The following CLIP1 variants were observed in gnomAD, a reference collection of about 807,000 sequenced individuals.
The protein encoded by CLIP1 is CAP-Gly domain containing linker protein 1, also known as CAP-Gly domain-containing linker protein 1.
A neutral mutation model predicts 161.6 loss-of-function variants in CLIP1; 66 were observed. The observed-to-expected ratio is 0.41, with a 90% CI of 0.33 to 0.50. The LOEUF (loss-of-function observed/expected upper bound fraction) is 0.50. Among genes scored for constraint, CLIP1 ranks in the 20% least tolerant of loss-of-function variants. The pLI, the probability that CLIP1 is intolerant of heterozygous loss-of-function variation, is 0.27. For synonymous variants in CLIP1, 598 were observed against 626.2 expected (o/e 0.96, Z 0.67); for missense variants, 1,376 against 1,702.0 (o/e 0.81, Z 3.37).
intron 20 of CLIP1, among the ~76,000 whole-genome samples, chr12:122,305,543 A>C (rs1442571125): frequency 6.6e-6 from 1 of 152,210 alleles, no homozygotes; most frequent in Admixed American, 6.5e-5. Flanking sequence ...ATGCCCCACT[A>C]AGTTGGTGAT....
chr12:122,414,128 GGTTT>G (rs1956642358), intron 1 of CLIP1, among the ~76,000 whole-genome samples: 1 of 151,862 alleles, frequency 6.6e-6, no homozygotes. Flanking sequence ...TGGTTTTGGG[GGTTT>G]GTTTTTTGTT....
At chr12:122,291,559 G>C (rs566250763) in intron 20 of CLIP1, among the ~76,000 whole-genome samples, 13 of 152,192 alleles carry the variant, frequency 8.5e-5, no homozygotes, top group African/African-American at 3.1e-4. Flanking sequence ...TTATTTTCTA[G>C]AACGTCAGTT....
chr12:122,416,141 G>A (rs1451412769), intron 1 of CLIP1, among the ~76,000 whole-genome samples: 1 of 152,014 alleles, frequency 6.6e-6, no homozygotes, highest in Non-Finnish European at 1.5e-5. Flanking sequence ...AGGAGGCTGA[G>A]GCAGAGAATC....
At chr12:122,359,386 GGA>G (rs1308835455) in intron 5 of CLIP1, among the ~76,000 whole-genome samples, 1 of 152,116 alleles carries the variant, frequency 6.6e-6, no homozygotes, top group Non-Finnish European at 1.5e-5. Context: ...CCAAAGAAAT[GGA>G]CACAATTAAA....
chr12:122,372,917 T>C (rs1954526424), intron 3 of CLIP1, among the ~76,000 whole-genome samples: 1 of 152,074 alleles, frequency 6.6e-6, no homozygotes, highest in Non-Finnish European at 1.5e-5. Flanking sequence ...TCAATGTAAA[T>C]GCAAGGTCAC....
chr12:122,319,030 T>C (rs1053887609), intron 18 of CLIP1, among the ~76,000 whole-genome samples: 3 of 152,200 alleles, frequency 2.0e-5, no homozygotes, highest in Non-Finnish European at 2.9e-5. Flanking sequence ...ACTATTAGGA[T>C]TTTTTCCTCA....
chr12:122,285,393 A>AT (rs773710194), intron 21 of CLIP1, among the ~76,000 whole-genome samples: 3 of 152,122 alleles, frequency 2.0e-5, no homozygotes, highest in Non-Finnish European at 2.9e-5. Flanking sequence ...TGCCCAGCTA[A>AT]TTTTTGTATT....
At chr12:122,420,282 T>C (rs568017515) in intron 1 of CLIP1, among the ~76,000 whole-genome samples, 30 of 151,478 alleles carry the variant, frequency 2.0e-4, no homozygotes, top group African/African-American at 6.8e-4. Context: ...TAGGCAGAGG[T>C]TGCAGTGAGC....
intron 1 of CLIP1, among the ~76,000 whole-genome samples, chr12:122,382,361 CAA>C (rs751549443): frequency 1.5e-5 from 2 of 136,098 alleles, no homozygotes; most frequent in Non-Finnish European, 3.2e-5. Flanking sequence ...AACTCCGTCT[CAA>C]AAAAAAAAAA....
At chr12:122,362,713 T>A (rs559423208) in intron 4 of CLIP1, among the ~76,000 whole-genome samples, 65 of 105,744 alleles carry the variant, frequency 6.1e-4, no homozygotes, top group Non-Finnish European at 7.7e-4. Flanking sequence ...AAAAATATGA[T>A]AAAAAAAAAA....
At position 122,341,326 on chromosome 12, in the gene CLIP1, T is replaced by A; in HGVS notation, c.1878A>T (p.Lys626Asn). 1.2e-6 allele frequency: 2 copies of A among 1,614,076 alleles called. No homozygotes were observed. The highest frequency in any genetic ancestry group is 1.7e-6 in the Non-Finnish European group (2 of 1,179,952). ...GGTGGGATGCGATGGCAGTCTCCAG[T>A]TTGGACTTCCATAGAGCTATCACAT... Reference protein sequence around the residue: ...NSDVIALWKSKLETAIASHQQ... With the variant: ...NSDVIALWKSNLETAIASHQQ... Residue 626 changes from lysine (K) to asparagine (N), a missense_variant, in exon 11 of 26, where the codon AAA (lysine) becomes AAT (asparagine). By Grantham distance (94) the Lys-to-Asn change is moderately conservative. Transcript: ENST00000620786.
chr12:122,340,205 T>C (rs1269219847), intron 11 of CLIP1, among the ~76,000 whole-genome samples: 1 of 151,892 alleles, frequency 6.6e-6, no homozygotes, highest in Admixed American at 6.6e-5. Flanking sequence ...CTCAGCCTCC[T>C]GGGTAGCTGG....
intron 1 of CLIP1, among the ~76,000 whole-genome samples, chr12:122,390,279 CATATATATATATATATATAT>C (rs1179187571): frequency 1.3e-5 from 1 of 79,016 alleles, no homozygotes; most frequent in Non-Finnish European, 2.7e-5. Flanking sequence ...TATATATATA[CATATATATATATATATATAT>C]ATATGTATAT....
chr12:122,401,318 G>T (rs962913125), intron 1 of CLIP1, among the ~76,000 whole-genome samples: 2 of 152,188 alleles, frequency 1.3e-5, no homozygotes, highest in Non-Finnish European at 2.9e-5. Flanking sequence ...GAGCCCAGGA[G>T]TTCAATACCA....
chr12:122,421,878 G>A (rs1956954776), intron 1 of CLIP1, among the ~76,000 whole-genome samples: 1 of 152,230 alleles, frequency 6.6e-6, no homozygotes, highest in Non-Finnish European at 1.5e-5. Flanking sequence ...CCCTGCCGCG[G>A]TAGAAGGTTC....
chr12:122,351,945 C>T (rs925176274), intron 8 of CLIP1, among the ~76,000 whole-genome samples: 1 of 151,634 alleles, frequency 6.6e-6, no homozygotes, highest in African/African-American at 2.4e-5. Context: ...CTGCTAATTA[C>T]TTTTTTAAAA....
At chr12:122,319,686 T>C (rs552191802) in intron 17 of CLIP1, among the ~76,000 whole-genome samples, 1 of 152,340 alleles carries the variant, frequency 6.6e-6, no homozygotes, top group East Asian at 1.9e-4. Context: ...CGTTCGGAGG[T>C]AACAATGAAT....
chr12:122,396,105 C>T (rs199585763), intron 1 of CLIP1: 1 of 115,498 alleles, frequency 8.7e-6, no homozygotes, highest in East Asian at 2.2e-4. Context: ...GACTCCATCT[C>T]AAAAAAAAAA....
chr12:122,332,850 A>G (rs1034941880), intron 15 of CLIP1, 137 bp downstream of exon 15: 13 of 644,856 alleles, frequency 2.0e-5, no homozygotes, highest in Non-Finnish European at 3.4e-5. Context: ...CAAGGACACA[A>G]TGAGGTAATA....
Sources: gnomAD v4.1 joint callset for allele counts (sites outside exome capture counted in the v4.1 genomes callset) on GRCh38, gnomAD v4.1.1 for gene constraint, MANE v1.5 for transcripts, NCBI Gene and HGNC (gene_info 2026-07-23, HGNC 2026-07-21) for gene names.